ANK1: variants seen among roughly 807,000 people sequenced by gnomAD.
ANK1 encodes the protein ankyrin 1.
Under a neutral mutation model 210.4 loss-of-function variants are expected in ANK1, and 51 were observed. The ratio of observed to expected loss-of-function variants is 0.24; its 90% CI spans 0.19 to 0.31. ANK1 has a LOEUF of 0.31. Among genes scored for constraint, ANK1 ranks in the 10% least tolerant of loss-of-function variants. ANK1 has a pLI of 1.00. For synonymous variants in ANK1, 967 were observed against 1,025.9 expected (o/e 0.94, Z 1.10); for missense variants, 2,051 against 2,504.4 (o/e 0.82, Z 3.86).
Position 41,773,413 on chromosome 8 carries a change from G to A in ANK1, c.28-15276C>T, listed in dbSNP as rs1265033639. Among the ~76,000 whole-genome samples the A allele has an allele frequency of 4.6e-5, 7 of 152,250 alleles. No individual in the cohort carries two copies. In the East Asian group the frequency reaches 9.7e-4, roughly 21 times the overall value. On this transcript the variant is annotated intron_variant, in intron 1 of 42. Coordinates refer to ENST00000289734, the MANE Select transcript of ANK1 (RefSeq NM_000037.4). ...CGAGATCCCTGGAGGAGGGAGGGAAGGGGGGAGGCACAGCTGAACCTAGGA... is the reference window on the plus strand; with the variant it reads ...CGAGATCCCTGGAGGAGGGAGGGAAAGGGGGAGGCACAGCTGAACCTAGGA...
At chr8:41,797,736 G>A, upstream of ANK1, 1 of 710,156 alleles carries the variant, frequency 1.4e-6, no homozygotes, top group Non-Finnish European at 2.2e-6. The surrounding 1 kb of genome is among the most constrained non-coding windows in gnomAD (Gnocchi z 4.0). Flanking sequence ...CGCCCGCCTG[G>A]GGACCGCAGA....
At chr8:41,879,575 G>A (rs1216820678) in intron 1 of ANK1, among the ~76,000 whole-genome samples, 1 of 152,194 alleles carries the variant, frequency 6.6e-6, no homozygotes, top group African/African-American at 2.4e-5. Context: ...TCTGCCACAG[G>A]CCTTTTACCC....
Position 41,715,059 on chromosome 8 carries a change from G to C in ANK1, c.1618C>G (p.Leu540Val). 1 of 1,614,186 alleles carries C rather than the reference G, an allele frequency of 6.2e-7. No individual in the cohort carries two copies. Residue 540 changes from leucine to valine, a missense_variant, in exon 15 of 43, where the codon CTG becomes GTG. Around this residue, in one of 6 missense-constraint regions of ANK1, gnomAD observed 1,413 missense variants for 1,707.4 expected, o/e 0.83. Coordinates refer to ENST00000289734, the MANE Select transcript of ANK1 (RefSeq NM_000037.4). ...ACMTKKGFTP[L>V]HVAAKYGKVR... Reference sequence around the variant, plus strand: ...TTCCCGTACTTGGCCGCCACGTGCAGAGGGGTAAATCCTTTCTGAGGAGAA... The same window carrying C: ...TTCCCGTACTTGGCCGCCACGTGCACAGGGGTAAATCCTTTCTGAGGAGAA...
At chr8:41,753,870 T>C (rs1838404667) in intron 2 of ANK1, among the ~76,000 whole-genome samples, 2 of 152,328 alleles carry the variant, frequency 1.3e-5, no homozygotes, top group South Asian at 4.1e-4. Context: ...TTCAACCCTC[T>C]GCTCCTTTCT....
At chr8:41,660,630 C>T (rs1225911969) in intron 42 of ANK1, 1 of 434,278 alleles carries the variant, frequency 2.3e-6, no homozygotes, top group African/African-American at 2.1e-5. Flanking sequence ...ACGGCATGCC[C>T]CTGCTCTGTG....
At chr8:41,749,326 C>G (rs963433084) in intron 2 of ANK1, among the ~76,000 whole-genome samples, 2 of 115,546 alleles carry the variant, frequency 1.7e-5, no homozygotes, top group African/African-American at 6.7e-5. Flanking sequence ...GAGATGGAGT[C>G]TTGCTCTGTT....
chr8:41,884,825 T>C (rs2150833657), intron 1 of ANK1, among the ~76,000 whole-genome samples: 1 of 152,124 alleles, frequency 6.6e-6, no homozygotes, highest in South Asian at 2.1e-4. Context: ...GGGTGAGACC[T>C]TGTCTCAAAA....
chr8:41,813,270 C>A (rs1312303643), intron 1 of ANK1, among the ~76,000 whole-genome samples: 2 of 152,162 alleles, frequency 1.3e-5, no homozygotes, highest in African/African-American at 2.4e-5. Flanking sequence ...ATCAGGTCAT[C>A]TGGCTTCAGC....
chr8:41,733,239 A>G (rs1452541878), intron 3 of ANK1, among the ~76,000 whole-genome samples: 1 of 152,222 alleles, frequency 6.6e-6, no homozygotes, highest in Non-Finnish European at 1.5e-5. Context: ...GCCCCATGCC[A>G]AACGCCTCCT....
At chr8:41,751,348 T>C (rs520642) in intron 2 of ANK1, among the ~76,000 whole-genome samples, 152,159 of 152,270 alleles carry the variant, frequency 1, 76,025 homozygotes, top group Middle Eastern at 1. Flanking sequence ...TTTGCCTCAC[T>C]GCGGCTTGGA....
intron 1 of ANK1, among the ~76,000 whole-genome samples, chr8:41,891,283 G>GT (rs111612663): frequency 1.5e-3 from 224 of 147,224 alleles, no homozygotes; most frequent in East Asian, 2.0e-3. Context: ...AGATGAGTTT[G>GT]TTTTTTTTTT....
intron 1 of ANK1, chr8:41,829,795 G>A (rs1210853653): frequency 6.6e-6 from 1 of 152,004 alleles, no homozygotes; most frequent in East Asian, 1.9e-4. Context: ...AATTAGCCGG[G>A]CGTGGTGGCG....
intron 31 of ANK1, among the ~76,000 whole-genome samples, chr8:41,692,324 T>C (rs1194285405): frequency 6.6e-6 from 1 of 152,220 alleles, no homozygotes; most frequent in African/African-American, 2.4e-5. Context: ...TTCAAAGTGT[T>C]GAGATGAAAG....
At chr8:41,721,603 G>A (rs1354861108) in intron 9 of ANK1, among the ~76,000 whole-genome samples, 1 of 143,752 alleles carries the variant, frequency 7.0e-6, no homozygotes, top group Non-Finnish European at 1.5e-5. Context: ...GTTGCAGTGA[G>A]TAGAGATCAC....
At chr8:41,676,871 G>T (rs2150568518) in intron 37 of ANK1, among the ~76,000 whole-genome samples, 1 of 152,188 alleles carries the variant, frequency 6.6e-6, no homozygotes, top group Middle Eastern at 3.4e-3. Context: ...GGTAATGCTG[G>T]CCTCATAAAC....
At chr8:41,739,148 GT>G (rs973216005) in intron 2 of ANK1, among the ~76,000 whole-genome samples, 5 of 152,048 alleles carry the variant, frequency 3.3e-5, no homozygotes, top group Non-Finnish European at 7.4e-5. Context: ...GTTTTGGTTT[GT>G]TTTTTCCCCC....
chr8:41,665,183 T>G (rs1810065890), intron 39 of ANK1: 1 of 1,533,044 alleles, frequency 6.5e-7, no homozygotes, highest in South Asian at 1.2e-5. Context: ...TCACTGTTTC[T>G]CTCTCTGTGG....
At chr8:41,762,689 T>C (rs917478014) in intron 1 of ANK1, among the ~76,000 whole-genome samples, 3 of 152,234 alleles carry the variant, frequency 2.0e-5, no homozygotes, top group Non-Finnish European at 2.9e-5. Flanking sequence ...AGATAAATGT[T>C]ACTTATGCTA....
intron 2 of ANK1, among the ~76,000 whole-genome samples, chr8:41,745,732 T>G (rs1194225399): frequency 1.3e-5 from 2 of 152,142 alleles, no homozygotes; most frequent in African/African-American, 2.4e-5. Flanking sequence ...GGGGTCTTGC[T>G]ATGTTGCCCA....
Sources: gnomAD v4.1 joint callset for allele counts (sites outside exome capture counted in the v4.1 genomes callset) on GRCh38, gnomAD v4.1.1 for gene constraint, gnomAD v4.1.1 regional missense constraint, Gnocchi (gnomAD v3.1) non-coding constraint, MANE v1.5 for transcripts, NCBI Gene and HGNC (gene_info 2026-07-23, HGNC 2026-07-21) for gene names.